Variants in RUBCNL observed in about 807,000 individuals in gnomAD.
RUBCNL encodes the protein protein associated with UVRAG as autophagy enhancer.
Under a neutral mutation model 69.5 loss-of-function variants are expected in RUBCNL, and 62 were observed. The ratio of observed to expected loss-of-function variants is 0.89; its 90% confidence interval spans 0.73 to 1.10. RUBCNL has a LOEUF of 1.10. RUBCNL is among the 50% of genes least tolerant of loss of function. The pLI, the probability that RUBCNL is intolerant of heterozygous loss-of-function variation, is 0.00. For synonymous variants in RUBCNL, 291 were observed against 303.6 expected (o/e 0.96, Z 0.43); for missense variants, 768 against 798.1 (o/e 0.96, Z 0.45).
Position 46,360,796 on chromosome 13 carries a change from T to C in RUBCNL, c.1119+645A>G, listed in dbSNP as rs190427358. On this transcript the variant is annotated intron_variant, in intron 8 of 14. Coordinates refer to ENST00000429979, the MANE Select transcript of RUBCNL (RefSeq NM_025113.5). Reference sequence around the variant, plus strand: ...AGTGTGTTCCATGAGGGAACCAACATGTACTTTCCAATGAGGCAGCCTGGG... The same window carrying C: ...AGTGTGTTCCATGAGGGAACCAACACGTACTTTCCAATGAGGCAGCCTGGG... Among the ~76,000 whole-genome samples, 4 of 152,338 alleles carry C rather than the reference T, an allele frequency of 2.6e-5. 1 individual carries two copies. In the East Asian group the frequency reaches 7.7e-4, roughly 29 times the overall value.
intron 3 of RUBCNL, among the ~76,000 whole-genome samples, chr13:46,371,134 T>G (rs1428558117): frequency 2.0e-5 from 3 of 152,158 alleles, no homozygotes; most frequent in Non-Finnish European, 2.9e-5. Context: ...CTCCTGCTAG[T>G]GAGAAATAAA....
At chr13:46,346,600 G>T (rs926126860) in intron 12 of RUBCNL, among the ~76,000 whole-genome samples, 1 of 152,078 alleles carries the variant, frequency 6.6e-6, no homozygotes, top group Non-Finnish European at 1.5e-5. Flanking sequence ...GGAAGTATAG[G>T]TATTGTTCTA....
chr13:46,351,982 C>A (rs997149199), intron 10 of RUBCNL, among the ~76,000 whole-genome samples: 1 of 152,082 alleles, frequency 6.6e-6, no homozygotes, highest in African/African-American at 2.4e-5. Context: ...GGCGTGCCAC[C>A]ATGCCCGGCT....
chr13:46,354,121 G>C (rs2048431350), intron 10 of RUBCNL, among the ~76,000 whole-genome samples: 1 of 152,116 alleles, frequency 6.6e-6, no homozygotes, highest in Non-Finnish European at 1.5e-5. Context: ...GTGATAACTT[G>C]TTTCTTATCC....
At chr13:46,361,694 G>T in intron 7 of RUBCNL, 121 bp from the exon 8 acceptor site, 2 of 911,334 alleles carry the variant, frequency 2.2e-6, no homozygotes, top group Non-Finnish European at 3.3e-6. Context: ...TGTCATATGA[G>T]ATGACGCATG....
chr13:46,381,855 A>G (rs1346260403), intron 1 of RUBCNL, among the ~76,000 whole-genome samples: 3 of 152,156 alleles, frequency 2.0e-5, no homozygotes, highest in African/African-American at 4.8e-5. Context: ...CTCAGGCTAG[A>G]GTGCAGTGGC....
chr13:46,338,565 G>T lies in RUBCNL; in HGVS notation c.*4820C>A, dbSNP rs928652403. The stretch of plus-strand genomic sequence containing the variant: ...GGGGCTTTGGGTGCGCTTGCCCTTT[G>T]TCTCCTCACCAATGGGGATGTACGT... On this transcript the variant is annotated 3_prime_UTR_variant, in exon 15 of 15. Coordinates refer to ENST00000429979, the MANE Select transcript of RUBCNL (RefSeq NM_025113.5). Among the ~76,000 whole-genome samples, 1 of 152,136 alleles carries T rather than the reference G, an allele frequency of 6.6e-6. No individual in the cohort carries two copies. Among genetic ancestry groups the T allele is most frequent in the Non-Finnish European group, 1.5e-5 (1 of 68,020 alleles).
At chr13:46,355,352 T>C (rs547761062) in intron 10 of RUBCNL, among the ~76,000 whole-genome samples, 1 of 147,074 alleles carries the variant, frequency 6.8e-6, no homozygotes, top group South Asian at 2.2e-4. Flanking sequence ...TGGAGTACAA[T>C]AGTGTGATCT....
intron 9 of RUBCNL, 95 bp downstream of exon 9, chr13:46,359,391 T>C: frequency 4.1e-6 from 4 of 981,612 alleles, no homozygotes; most frequent in Non-Finnish European, 5.6e-6. Context: ...TTCTTTAGCA[T>C]ATGTATTTTT....
chr13:46,387,900 T>A, upstream of RUBCNL: 2 of 966,614 alleles, frequency 2.1e-6, no homozygotes, highest in Non-Finnish European at 2.5e-6. Flanking sequence ...ATACAGAAAG[T>A]TGTCACGAAT....
intron 9 of RUBCNL, among the ~76,000 whole-genome samples, chr13:46,357,647 T>G (rs1451187364): frequency 7.4e-6 from 1 of 135,274 alleles, no homozygotes; most frequent in Non-Finnish European, 1.6e-5. Flanking sequence ...TTTTTTTTTT[T>G]GAGATGGAGT....
At chr13:46,363,505 G>T (rs544291361) in intron 5 of RUBCNL, among the ~76,000 whole-genome samples, 1 of 152,042 alleles carries the variant, frequency 6.6e-6, no homozygotes, top group Non-Finnish European at 1.5e-5. Flanking sequence ...GCATCTAAAC[G>T]TTTAATAATA....
intron 1 of RUBCNL, among the ~76,000 whole-genome samples, chr13:46,383,626 T>G (rs1454965797): frequency 6.6e-6 from 1 of 152,170 alleles, no homozygotes; most frequent in Non-Finnish European, 1.5e-5. Context: ...TGAACTCTCT[T>G]GGTTTCTACA....
In RUBCNL at chr13:46,372,046, G is replaced by T; in HGVS notation, c.430C>A (p.Arg144=). The change falls in exon 3 of 15, where the codon CGG becomes AGG. Residue 144 remains arginine (R), a synonymous_variant. Coordinates refer to ENST00000429979, the MANE Select transcript of RUBCNL (RefSeq NM_025113.5). ...VHMVRPGYSH[R]VSLPTSPGIL... ...CCAGGGCTTGTGGGCAGAGACACCC[G>T]ATGAGAGTATCCTGGGCGGACCATG... 1 of 1,614,012 alleles carries T rather than the reference G, an allele frequency of 6.2e-7. No individual in the cohort carries two copies.
At position 46,362,564 on chromosome 13, in the gene RUBCNL, A is replaced by G. The variant is rs1287924740; in HGVS notation, c.960T>C (p.Cys320=). The change falls in exon 7 of 15, where the codon TGT becomes TGC. Residue 320 remains cysteine, a synonymous_variant. Transcript: ENST00000429979. ...LGDFNDITET[C]SCSCSSSKSV... is the part of the protein sequence containing the mutation. ...TCTTAGAGGAGCTGCAGGAACAGCT[A>G]CAGGTTTCTGTGATATCATTAAAAT... 1 of 1,609,766 alleles carries G rather than the reference A, an allele frequency of 6.2e-7. No individual in the cohort carries two copies.
intron 14 of RUBCNL, among the ~76,000 whole-genome samples, chr13:46,343,919 A>G (rs2048187521): frequency 6.6e-6 from 1 of 152,142 alleles, no homozygotes; most frequent in African/African-American, 2.4e-5. Context: ...TATAGTGAGT[A>G]GGCCGGCCCC....
intron 1 of RUBCNL, among the ~76,000 whole-genome samples, chr13:46,380,147 T>C (rs2138840855): frequency 6.6e-6 from 1 of 152,304 alleles, no homozygotes; most frequent in Non-Finnish European, 1.5e-5. Flanking sequence ...TTTGAAGGTT[T>C]GCTGTCAGAA....
chr13:46,346,868 ATCTC>A (rs1211133423), intron 12 of RUBCNL, among the ~76,000 whole-genome samples: 2 of 152,158 alleles, frequency 1.3e-5, no homozygotes, highest in East Asian at 1.9e-4. Flanking sequence ...CTACTTAAAA[ATCTC>A]TCTCTCAATG....
chr13:46,370,048 A>G (rs1241740852), intron 3 of RUBCNL, among the ~76,000 whole-genome samples: 1 of 152,206 alleles, frequency 6.6e-6, no homozygotes. Flanking sequence ...AGAGAAATTC[A>G]TTTATAAAAA....
Sources: gnomAD v4.1 joint callset for allele counts (sites outside exome capture counted in the v4.1 genomes callset) on GRCh38, gnomAD v4.1.1 for gene constraint, MANE v1.5 for transcripts, NCBI Gene and HGNC (gene_info 2026-07-23, HGNC 2026-07-21) for gene names.